CACNA1S: variants seen among roughly 807,000 people sequenced by gnomAD.
CACNA1S encodes calcium voltage-gated channel subunit alpha1 S, also known as voltage-dependent L-type calcium channel subunit alpha-1S.
A neutral mutation model predicts 207.4 loss-of-function variants in CACNA1S; 126 were observed. The ratio of observed to expected loss-of-function variants is 0.61; its 90% CI spans 0.53 to 0.70. CACNA1S has a LOEUF of 0.70. Ranked by LOEUF, CACNA1S falls within the 30% of genes least tolerant of loss-of-function variation. CACNA1S has a pLI of 0.00. For missense variants in CACNA1S, 2,349 were observed against 2,422.8 expected (o/e 0.97, Z 0.64); for synonymous variants, 960 against 932.7 (o/e 1.03, Z -0.53).
At chr1:201,104,534 C>A (rs549523850) in intron 2 of CACNA1S, among the ~76,000 whole-genome samples, 5 of 152,340 alleles carry the variant, frequency 3.3e-5, no homozygotes, top group African/African-American at 1.2e-4. Context: ...CAATCCTATT[C>A]CATCATTCTC....
intron 11 of CACNA1S, among the ~76,000 whole-genome samples, chr1:201,077,362 C>A (rs1469531126): frequency 1.3e-5 from 2 of 152,178 alleles, no homozygotes; most frequent in African/African-American, 2.4e-5. Context: ...ACTTTAGGTC[C>A]CATCACTGGA....
intron 1 of CACNA1S, 22 bp downstream of exon 1, chr1:201,112,166 C>A (rs372300255): frequency 4.4e-6 from 7 of 1,604,182 alleles, no homozygotes; most frequent in African/African-American, 4.1e-5. Flanking sequence ...CCCCCCCCCA[C>A]GGCCCGGGCC....
chr1:201,044,209 G>T (rs901843623), intron 39 of CACNA1S, 119 bp downstream of exon 39: 2 of 1,250,218 alleles, frequency 1.6e-6, no homozygotes, highest in African/African-American at 2.9e-5. Context: ...GAGACGGAGT[G>T]GGGTATCTTC....
At position 201,084,950 on chromosome 1, in the gene CACNA1S, A is replaced by C; in HGVS notation, c.1232T>G (p.Ile411Ser). Residue 411 changes from isoleucine to serine, a missense_variant and splice_region_variant, in exon 9 of 44, where the codon ATC becomes AGC. Transcript: ENST00000362061. ...CCTGGGGCAGTGGGCAGATACTCAC[A>C]TGAACTGGATGATTTTGTTCAAGCC... ...IAGLNKIIQF[I>S]RHWRQWNRIF... 1 of 1,610,462 alleles carries C rather than the reference A, an allele frequency of 6.2e-7. No homozygotes were observed. The highest frequency in any genetic ancestry group is 2.2e-5 in the East Asian group (1 of 44,868).
In CACNA1S at chr1:201,072,740, C is replaced by T. The variant is rs192276596; in HGVS notation, c.2227+15G>A. The T allele has an allele frequency of 4.3e-4, 696 of 1,608,512 alleles. 1 individual carries two copies. In the African/African-American group the frequency reaches 8.1e-3, roughly 19 times the overall value. On this transcript the variant is annotated intron_variant, in intron 16 of 43. Transcript: ENST00000362061. ...CCCCAGCACCCTGCTCCAGTCCAGT[C>T]TCCAGCATCCTCACCTGGGAAGTCG...
At position 201,089,523 on chromosome 1, in the gene CACNA1S, G is replaced by A. The variant is rs142962607; in HGVS notation, c.695-60C>T. The A allele has an allele frequency of 0.012, 18,921 of 1,531,472 alleles. 142 individuals are homozygous for A. The highest frequency in any genetic ancestry group is 0.016 in the South Asian group (1,368 of 88,024). The allele number at this position is 1,531,472 out of a possible 1,614,324, so 94.9% of individuals were successfully genotyped here. A position where few individuals can be genotyped will look rare whatever the true frequency, so the allele number is the denominator to read the frequency against. On this transcript the variant is annotated intron_variant, in intron 5 of 43. Coordinates refer to ENST00000362061, the MANE Select transcript of CACNA1S (RefSeq NM_000069.3). ...AGTAGTAGGTGGACAACGACAGGAG[G>A]AAAGGTGTATAAGAGCAATTTAAGA... is the stretch of plus-strand genomic sequence containing the variant.
chr1:201,061,163 TG>T, intron 25 of CACNA1S, 103 bp downstream of exon 25: 1 of 989,756 alleles, frequency 1.0e-6, no homozygotes, highest in Non-Finnish European at 1.6e-6. Context: ...ATGCAGGTTC[TG>T]GGGTCACCCT....
At chr1:201,049,789 T>C (rs1297382281) in intron 34 of CACNA1S, among the ~76,000 whole-genome samples, 1 of 152,170 alleles carries the variant, frequency 6.6e-6, no homozygotes, top group East Asian at 1.9e-4. Flanking sequence ...AAAGCACGGT[T>C]GCTATAGGCA....
At chr1:201,065,565 A>G (rs1305238073) in intron 22 of CACNA1S, among the ~76,000 whole-genome samples, 1 of 152,196 alleles carries the variant, frequency 6.6e-6, no homozygotes, top group Non-Finnish European at 1.5e-5. Context: ...CCATTTCAGT[A>G]GTGTTAGAAG....
chr1:201,089,924 G>A (rs1022786458), intron 5 of CACNA1S, among the ~76,000 whole-genome samples: 2 of 152,236 alleles, frequency 1.3e-5, no homozygotes, highest in Admixed American at 6.5e-5. Context: ...CCCAGCTGAC[G>A]GGGCAGGGGT....
Position 201,066,441 on chromosome 1 carries a change from C to A in CACNA1S, c.2658-125G>T. 1.2e-6 allele frequency: 1 copy of A among 804,882 alleles called. No individual in the cohort carries two copies. The highest frequency in any genetic ancestry group is 1.4e-5 in the South Asian group (1 of 69,616). 49.9% of individuals were successfully genotyped at this position (804,882 alleles called of 1,614,324 possible). On this transcript the variant is annotated intron_variant, in intron 20 of 43. Coordinates refer to ENST00000362061, the MANE Select transcript of CACNA1S (RefSeq NM_000069.3). This position sits in a 1 kb window ranked among gnomAD's most constrained non-coding sequence, Gnocchi z 4.3. ...CCTTTCTGCCTGAAAACACTCCCAC[C>A]TTCCCCTTCCCTTTCCTCCAGCCGT...
chr1:201,075,443 T>TCC, intron 13 of CACNA1S, 52 bp downstream of exon 13: 10 of 1,597,922 alleles, frequency 6.3e-6, no homozygotes, highest in South Asian at 2.2e-5. Flanking sequence ...TTAAGCCCTT[T>TCC]CCCCCACCCC....
chr1:201,110,726 G>A lies in CACNA1S; in HGVS notation c.153-457C>T, dbSNP rs143709457. ...GGTAAGGTTGAGAACTCACTGAGTA[G>A]GACTGGGAAGGAGAGATGGAGAGAT... is the stretch of plus-strand genomic sequence containing the variant. On this transcript the variant is annotated intron_variant, in intron 1 of 43. Transcript: ENST00000362061. 3.6e-3 allele frequency among the ~76,000 whole-genome samples: 549 copies of A among 152,328 alleles called. 2 individuals are homozygous for A. The highest frequency in any genetic ancestry group is 0.013 in the African/African-American group (528 of 41,582).
chr1:201,088,152 G>A (rs1399824673), intron 6 of CACNA1S, among the ~76,000 whole-genome samples: 1 of 152,172 alleles, frequency 6.6e-6, no homozygotes, highest in Non-Finnish European at 1.5e-5. Flanking sequence ...CTTGCTGACT[G>A]CCTACCTGGC....
At chr1:201,108,132 G>T (rs1401948216) in intron 2 of CACNA1S, among the ~76,000 whole-genome samples, 2 of 149,170 alleles carry the variant, frequency 1.3e-5, no homozygotes, top group Non-Finnish European at 3.0e-5. Flanking sequence ...TTGAGACAGG[G>T]TCTCACTGTG....
At chr1:201,068,626 A>G (rs946601167) in intron 19 of CACNA1S, among the ~76,000 whole-genome samples, 2 of 151,340 alleles carry the variant, frequency 1.3e-5, no homozygotes, top group African/African-American at 4.8e-5. Context: ...TAATCCCAGC[A>G]CTTTGGGAGG....
chr1:201,100,078 C>G (rs575405987), intron 2 of CACNA1S, among the ~76,000 whole-genome samples: 1 of 152,156 alleles, frequency 6.6e-6, no homozygotes, highest in Non-Finnish European at 1.5e-5. Context: ...CCCAGGCAGG[C>G]GGGATAACTG....
intron 22 of CACNA1S, 150 bp from the exon 23 acceptor site, chr1:201,062,664 G>A (rs1319177043): frequency 1.8e-5 from 13 of 725,244 alleles, no homozygotes; most frequent in South Asian, 3.1e-5. Flanking sequence ...TCTCAGAGGC[G>A]TGAACTCGCC....
At chr1:201,063,916 C>G (rs1477215047) in intron 22 of CACNA1S, among the ~76,000 whole-genome samples, 1 of 152,188 alleles carries the variant, frequency 6.6e-6, no homozygotes, top group Non-Finnish European at 1.5e-5. Context: ...CTTGACTCTG[C>G]TATAATGTGG....
Sources: gnomAD v4.1 joint callset for allele counts (sites outside exome capture counted in the v4.1 genomes callset) on GRCh38, gnomAD v4.1.1 for gene constraint, Gnocchi (gnomAD v3.1) non-coding constraint, MANE v1.5 for transcripts, NCBI Gene and HGNC (gene_info 2026-07-23, HGNC 2026-07-21) for gene names.